Variants in ZMYM6 observed in about 807,000 individuals in gnomAD.
ZMYM6 encodes zinc finger MYM-type containing 6, also known as zinc finger MYM-type protein 6.
ZMYM6 carries 90 observed loss-of-function variants against 134.0 expected under a neutral mutation model. The observed-to-expected ratio is 0.67, with a 90% CI of 0.57 to 0.80. The LOEUF is 0.80. Ranked by LOEUF, ZMYM6 falls within the 30% of genes least tolerant of loss-of-function variation. The pLI is 0.00. For missense variants in ZMYM6, 1,362 were observed against 1,533.9 expected (o/e 0.89, Z 1.87); for synonymous variants, 481 against 524.1 (o/e 0.92, Z 1.12).
Position 35,006,847 on chromosome 1 carries a change from T to C in ZMYM6, c.1813+104A>G, listed in dbSNP as rs921246865. On this transcript the variant is annotated intron_variant, in intron 12 of 15. Coordinates refer to ENST00000357182, the MANE Select transcript of ZMYM6 (RefSeq NM_007167.4). ...AAAAATTTAAGGAAATTCAGGCTAT[T>C]TGAATCCAATGAAATTTTGTTTTTA... The C allele has an allele frequency of 5.4e-6, 6 of 1,113,424 alleles. No homozygotes were observed. The Admixed American group carries it at 2.5e-4, about 46-fold the overall frequency. The allele number at this position is 1,113,424 out of a possible 1,614,324, so 69.0% of individuals were successfully genotyped here.
At chr1:35,012,235 T>C (rs1203622396) in intron 7 of ZMYM6, among the ~76,000 whole-genome samples, 196 bp downstream of exon 7, 2 of 152,198 alleles carry the variant, frequency 1.3e-5, no homozygotes, top group African/African-American at 4.8e-5. Context: ...TATGAAATTA[T>C]AAAATACTGT....
chr1:35,004,084 C>T (rs946885457), intron 13 of ZMYM6, 79 bp from the exon 14 acceptor site: 1 of 1,298,032 alleles, frequency 7.7e-7, no homozygotes, highest in Non-Finnish European at 1.1e-6. Flanking sequence ...TACTTTCCTC[C>T]CATTAAGCTG....
At chr1:35,021,276 G>A (rs1237447680) in intron 2 of ZMYM6, among the ~76,000 whole-genome samples, 3 of 151,720 alleles carry the variant, frequency 2.0e-5, no homozygotes, top group Admixed American at 1.3e-4. Context: ...AAGTAGCTGG[G>A]AATACAGGCT....
In ZMYM6 at chr1:34,988,910, AT is replaced by A; in HGVS notation, c.2171del (p.Asn724MetfsTer15). 1 of 1,611,876 alleles carries A rather than the reference AT, an allele frequency of 6.2e-7. No individual in the cohort carries two copies. The highest frequency in any genetic ancestry group is 1.1e-5 in the South Asian group (1 of 90,192). On this transcript the variant is annotated frameshift_variant, in exon 16 of 16. Coordinates refer to ENST00000357182, the MANE Select transcript of ZMYM6 (RefSeq NM_007167.4). LOFTEE classifies it high-confidence loss of function. ...AAGGTGGAGAATCAAGTTCTGCATC[AT>A]TTTTTTCATTAGGCATAGGTAAATC... ...QTDLPMPNEK[N>X]DAELDSPPSK...
At chr1:34,989,114 T>G in intron 15 of ZMYM6, 179 bp from the exon 16 acceptor site, 1 of 1,394,764 alleles carries the variant, frequency 7.2e-7, no homozygotes, top group East Asian at 2.7e-5. Context: ...AAAACTGAAT[T>G]TCTCCTTTGC....
At chr1:35,026,661 G>A (rs1641419844) in intron 2 of ZMYM6, among the ~76,000 whole-genome samples, 1 of 152,206 alleles carries the variant, frequency 6.6e-6, no homozygotes, top group Admixed American at 6.5e-5. Flanking sequence ...TTTGTTAAGT[G>A]TATAGGCAAG....
At chr1:35,015,270 GA>G in intron 4 of ZMYM6, 108 bp from the exon 5 acceptor site, 1 of 1,102,616 alleles carries the variant, frequency 9.1e-7, no homozygotes, top group Non-Finnish European at 1.3e-6. Flanking sequence ...CTGTATGGTA[GA>G]AAAAGGATAA....
chr1:35,005,128 A>G lies in ZMYM6; in HGVS notation c.1954+4T>C. The G allele has an allele frequency of 6.2e-7, 1 of 1,614,016 alleles. No homozygotes were observed. Among genetic ancestry groups the G allele is most frequent in the Non-Finnish European group, 8.5e-7 (1 of 1,179,948 alleles). Reference sequence around the variant, plus strand: ...TAGCCAAATGCCATTATATCAAGTCATACCTTTTAAAACACTGTTAGTGTT... The same window carrying G: ...TAGCCAAATGCCATTATATCAAGTCGTACCTTTTAAAACACTGTTAGTGTT... On this transcript the variant is annotated splice_donor_region_variant and intron_variant, in intron 13 of 15. Coordinates refer to ENST00000357182, the MANE Select transcript of ZMYM6 (RefSeq NM_007167.4).
At position 35,019,553 on chromosome 1, in the gene ZMYM6, T is replaced by TG; in HGVS notation, c.227dup (p.Ser77LysfsTer13). 6.2e-7 allele frequency: 1 copy of TG among 1,609,372 alleles called. No individual in the cohort carries two copies. The highest frequency in any genetic ancestry group is 1.1e-5 in the South Asian group (1 of 89,758). On this transcript the variant is annotated frameshift_variant, in exon 4 of 16. Transcript: ENST00000357182. LOFTEE classifies it high-confidence loss of function. ...CTGGAACTGAAGGAAGCAACACACT[T>TG]GGGCCAGATGATGCAAAAGAAAGCT...
chr1:35,008,814 C>A lies in ZMYM6; in HGVS notation c.1603G>T (p.Gly535Cys). ...TCACAACAAAACTCTTCTAACTTGC[C>A]CTCCAATCGATTTTCTACCAAATTT... Reference protein sequence around the residue: ...SPNLVENRLEGKLEEFCCEDC... With the variant: ...SPNLVENRLECKLEEFCCEDC... The change falls in exon 11 of 16, where the codon GGC becomes TGC. Residue 535 changes from glycine to cysteine, a missense_variant. Physicochemically the swap from Gly to Cys is radical, Grantham distance 159. Around this residue, in one of 3 missense-constraint regions of ZMYM6, gnomAD observed 824 missense variants for 940.9 expected, o/e 0.88. Coordinates refer to ENST00000357182, the MANE Select transcript of ZMYM6 (RefSeq NM_007167.4). 6.2e-7 allele frequency: 1 copy of A among 1,614,020 alleles called. No individual in the cohort carries two copies. Among genetic ancestry groups the A allele is most frequent in the Non-Finnish European group, 8.5e-7 (1 of 1,179,970 alleles).
At position 35,014,754 on chromosome 1, in the gene ZMYM6, A is replaced by G. The variant is rs923060617; in HGVS notation, c.738T>C (p.Ser246=). Residue 246 remains serine, a synonymous_variant, in exon 6 of 16, where the codon TCT becomes TCC. Coordinates refer to ENST00000357182, the MANE Select transcript of ZMYM6 (RefSeq NM_007167.4). ...ENCGSYCYSS[S]GPCQSQKVFS... ...AAACCTTCTGGGATTGGCAAGGACC[A>G]GAGCTACTATAGCAATAGCTCCCAC... 4.3e-6 allele frequency: 7 copies of G among 1,614,226 alleles called. No homozygotes were observed. The highest frequency in any genetic ancestry group is 5.9e-6 in the Non-Finnish European group (7 of 1,180,044).
In ZMYM6 at chr1:34,992,248, T is replaced by C. The variant is rs1640688765; in HGVS notation, c.2132A>G (p.Lys711Arg). 1 of 1,613,894 alleles carries C rather than the reference T, an allele frequency of 6.2e-7. No homozygotes were observed. The highest frequency in any genetic ancestry group is 8.5e-7 in the Non-Finnish European group (1 of 1,179,924). ...AGGATACATACCTGTCTGACATTCT[T>C]TGTGCTGTGTATGTGGTTTGCAAGA... Reference protein sequence around the residue: ...ATSCKPHTQHKECQTDLPMPN... With the variant: ...ATSCKPHTQHRECQTDLPMPN... The change falls in exon 15 of 16, where the codon AAA becomes AGA. Residue 711 changes from lysine (K) to arginine (R), a missense_variant. Physicochemically the swap from Lys to Arg is conservative, Grantham distance 26. Coordinates refer to ENST00000357182, the MANE Select transcript of ZMYM6 (RefSeq NM_007167.4).
At chr1:35,005,314 G>T in intron 12 of ZMYM6, 42 bp from the exon 13 acceptor site, 2 of 1,599,266 alleles carry the variant, frequency 1.3e-6, no homozygotes, top group Non-Finnish European at 1.7e-6. Context: ...AAGCAAAAGG[G>T]TCTCTCTCTC....
At chr1:35,012,997 GA>G in intron 6 of ZMYM6, 1 of 979,662 alleles carries the variant, frequency 1.0e-6, no homozygotes, top group African/African-American at 1.7e-5. Flanking sequence ...GCAGGAGATA[GA>G]AATGATATTT....
At chr1:34,992,813 C>T (rs9662647) in intron 14 of ZMYM6, among the ~76,000 whole-genome samples, 5,027 of 100,486 alleles carry the variant, frequency 0.05, 1,524 homozygotes, top group African/African-American at 0.39. Context: ...TAAAAATATA[C>T]TTATAAACTA....
At chr1:34,997,917 A>G (rs1327953053) in intron 14 of ZMYM6, among the ~76,000 whole-genome samples, 1 of 152,176 alleles carries the variant, frequency 6.6e-6, no homozygotes, top group East Asian at 1.9e-4. Context: ...AGCATTATTT[A>G]TTAAATAATC....
intron 14 of ZMYM6, among the ~76,000 whole-genome samples, chr1:34,997,733 C>G (rs2148445988): frequency 6.6e-6 from 1 of 152,208 alleles, no homozygotes; most frequent in East Asian, 1.9e-4. Context: ...TCTTTTATGG[C>G]TTCCGGGTTT....
chr1:35,012,632 A>G (rs1368922645), intron 6 of ZMYM6, 51 bp from the exon 7 acceptor site: 2 of 1,581,880 alleles, frequency 1.3e-6, no homozygotes, highest in East Asian at 2.3e-5. Context: ...ACATATTTAC[A>G]TATTGTTCAA....
chr1:35,000,164 G>C (rs1046271168), intron 14 of ZMYM6, among the ~76,000 whole-genome samples: 12 of 151,982 alleles, frequency 7.9e-5, no homozygotes, highest in Admixed American at 3.3e-4. Context: ...TCAAACTCCT[G>C]GACTCAAGTG....
Sources: allele counts gnomAD v4.1 joint callset (sites outside exome capture counted in the v4.1 genomes callset), GRCh38; gene constraint gnomAD v4.1.1; regional missense constraint gnomAD v4.1.1; transcripts MANE v1.5; gene names NCBI Gene and HGNC (gene_info 2026-07-23, HGNC 2026-07-21).